The following CMIP variants were observed in gnomAD, a reference collection of about 807,000 sequenced individuals.
The protein encoded by CMIP is C-Maf-inducing protein.
A neutral mutation model predicts 97.3 loss-of-function variants in CMIP; 13 were observed. The observed-to-expected ratio is 0.13, with a 90% CI of 0.09 to 0.21. CMIP has a LOEUF of 0.21. Among genes scored for constraint, CMIP ranks in the 10% least tolerant of loss-of-function variants. The pLI, the probability that CMIP is intolerant of heterozygous loss-of-function variation, is 1.00. For missense variants in CMIP, 847 were observed against 1,024.9 expected, an observed-to-expected ratio of 0.83 and a Z score of 2.37; for synonymous variants, 538 against 436.3, an observed-to-expected ratio of 1.23 and a Z score of -2.91.
chr16:81,609,373 C>T (rs755460830), intron 2 of CMIP, among the ~76,000 whole-genome samples: 70 of 152,224 alleles, frequency 4.6e-4, no homozygotes, highest in Admixed American at 2.2e-3. Context: ...TGCCAGCCCC[C>T]CTCGGCGGGG....
intron 1 of CMIP, among the ~76,000 whole-genome samples, chr16:81,468,284 C>G (rs959694717): frequency 6.6e-5 from 10 of 152,248 alleles, no homozygotes; most frequent in Non-Finnish European, 1.3e-4. Flanking sequence ...TGTGCTCACT[C>G]TCCCACTGCC....
intron 1 of CMIP, among the ~76,000 whole-genome samples, chr16:81,532,335 C>T (rs2090254181): frequency 6.6e-6 from 1 of 152,222 alleles, no homozygotes; most frequent in African/African-American, 2.4e-5. Context: ...GTTCCACACG[C>T]TGATGCAGGA....
chr16:81,459,724 C>G (rs573688432), intron 1 of CMIP, among the ~76,000 whole-genome samples: 10 of 152,342 alleles, frequency 6.6e-5, no homozygotes, highest in Non-Finnish European at 1.5e-4. Context: ...GGGGTGTGCT[C>G]TCTGGATTTT....
At chr16:81,528,381 T>G (rs761323436) in intron 1 of CMIP, among the ~76,000 whole-genome samples, 1 of 152,154 alleles carries the variant, frequency 6.6e-6, no homozygotes, top group South Asian at 2.1e-4. Context: ...GGATACATTT[T>G]TAAAAGCTGG....
chr16:81,478,624 G>T lies in CMIP; in HGVS notation c.300+33083G>T, dbSNP rs547644356. On this transcript the variant is annotated intron_variant, in intron 1 of 20. Transcript: ENST00000537098. ...TCCCCTCCACCCTCCAGCCCTTGTT[G>T]GTCCTCCTGGTGCCCTGCAGAGCCG... Among the ~76,000 whole-genome samples the T allele has an allele frequency of 4.6e-5, 7 of 152,302 alleles. No homozygotes were observed. The South Asian group carries it at 1.5e-3, about 32-fold the overall frequency.
chr16:81,540,806 G>C (rs190160020), intron 1 of CMIP, among the ~76,000 whole-genome samples: 1 of 152,026 alleles, frequency 6.6e-6, no homozygotes, highest in African/African-American at 2.4e-5. Context: ...TCAGCCTCCC[G>C]AGTAGCTGGG....
chr16:81,520,448 C>T (rs2089997771), intron 1 of CMIP: 1 of 152,248 alleles, frequency 6.6e-6, no homozygotes, highest in South Asian at 2.1e-4. Flanking sequence ...TACCTTTAAT[C>T]CCAGCACTTT....
chr16:81,475,728 G>A (rs985083021), intron 1 of CMIP, among the ~76,000 whole-genome samples: 12 of 152,164 alleles, frequency 7.9e-5, no homozygotes, highest in South Asian at 4.1e-4. Flanking sequence ...GCTCACTGCC[G>A]TAATCCCAGC....
intron 1 of CMIP, among the ~76,000 whole-genome samples, chr16:81,598,785 G>A (rs548595972): frequency 1.3e-5 from 2 of 152,156 alleles, no homozygotes; most frequent in Admixed American, 6.5e-5. Flanking sequence ...TGGCCAACAT[G>A]GTGAAACCCC....
At chr16:81,698,737 ACT>A (rs1304277502) in intron 14 of CMIP, among the ~76,000 whole-genome samples, 1 of 151,990 alleles carries the variant, frequency 6.6e-6, no homozygotes, top group African/African-American at 2.4e-5. Context: ...CGAAACTGAA[ACT>A]CAGCATCCAT....
intron 1 of CMIP, among the ~76,000 whole-genome samples, chr16:81,491,644 C>T (rs2089407681): frequency 6.6e-6 from 1 of 152,230 alleles, no homozygotes. Context: ...GATGTATTTT[C>T]AGATAAATTC....
intron 1 of CMIP, among the ~76,000 whole-genome samples, chr16:81,477,135 A>G (rs1457087952): frequency 2.0e-5 from 3 of 152,068 alleles, no homozygotes; most frequent in African/African-American, 7.2e-5. Flanking sequence ...GAAGATACAC[A>G]TCGGGCTTGG....
intron 18 of CMIP, among the ~76,000 whole-genome samples, chr16:81,705,151 G>A (rs1213865299): frequency 1.3e-5 from 2 of 152,164 alleles, no homozygotes; most frequent in Admixed American, 6.5e-5. Context: ...CCTGCCCCCG[G>A]CCCAGCCCTG....
chr16:81,654,650 C>G (rs1193265736), intron 4 of CMIP, among the ~76,000 whole-genome samples: 2 of 152,164 alleles, frequency 1.3e-5, no homozygotes, highest in Admixed American at 6.5e-5. Context: ...TTTGATGGCC[C>G]TTAGACCTCC....
rs2091919146 is a variant in CMIP at position 81,616,423 on chromosome 16, CTGTAAGA to C, written c.427-4450_427-4444del. Among the ~76,000 whole-genome samples, 2 of 152,188 alleles carry C rather than the reference CTGTAAGA, an allele frequency of 1.3e-5. No homozygotes were observed. Among genetic ancestry groups the C allele is most frequent in the Non-Finnish European group, 2.9e-5 (2 of 68,028 alleles). ...CTGCTCCGAGCCTCAGCTTCCTCAT[CTGTAAGA>C]TGGGTGCGTTGAGGAGGAGAGGAGG... On this transcript the variant is annotated intron_variant, in intron 2 of 20. Transcript: ENST00000537098. The surrounding 1 kb of genome is among the most constrained non-coding windows in gnomAD (Gnocchi z 4.7).
At chr16:81,460,649 C>T (rs1316208871) in intron 1 of CMIP, among the ~76,000 whole-genome samples, 1 of 152,234 alleles carries the variant, frequency 6.6e-6, no homozygotes, top group Non-Finnish European at 1.5e-5. Context: ...CCTCTGCCAT[C>T]TGTTTCCTCC....
chr16:81,699,544 C>T, intron 14 of CMIP, 141 bp from the exon 15 acceptor site: 4 of 606,968 alleles, frequency 6.6e-6, no homozygotes, highest in South Asian at 5.6e-5. Flanking sequence ...CCCCTGGGGC[C>T]TGGTGATCCT....
At chr16:81,630,055 G>A (rs934886770) in intron 3 of CMIP, 1 of 152,252 alleles carries the variant, frequency 6.6e-6, no homozygotes, top group Non-Finnish European at 1.5e-5. Flanking sequence ...AGACTGCCCA[G>A]GTTCCAACCC....
intron 1 of CMIP, among the ~76,000 whole-genome samples, chr16:81,603,878 G>T (rs1597136901): frequency 6.6e-6 from 1 of 152,202 alleles, no homozygotes; most frequent in African/African-American, 2.4e-5. Flanking sequence ...CAGGTACTGT[G>T]CTGAGTCCTT....
Sources: gnomAD v4.1 joint callset for allele counts (sites outside exome capture counted in the v4.1 genomes callset) on GRCh38, gnomAD v4.1.1 for gene constraint, Gnocchi (gnomAD v3.1) non-coding constraint, MANE v1.5 for transcripts, NCBI Gene and HGNC (gene_info 2026-07-23, HGNC 2026-07-21) for gene names.